The following ALPL variants were observed in gnomAD, a reference collection of about 807,000 sequenced individuals.
The protein encoded by ALPL is alkaline phosphatase, tissue-nonspecific isozyme.
In ALPL, 42 loss-of-function variants were observed where a neutral mutation model predicts 51.3. The observed-to-expected ratio is 0.82, with a 90% CI of 0.64 to 1.06. The LOEUF is 1.06. Among genes scored for constraint, ALPL ranks in the 50% least tolerant of loss-of-function variants. The probability of loss-of-function intolerance (pLI) is 0.00; values close to 1 mark genes in which losing one functional copy is unlikely to be tolerated. For synonymous variants in ALPL, 279 were observed against 296.4 expected (o/e 0.94, Z 0.60); for missense variants, 589 against 709.4 (o/e 0.83, Z 1.93).
At chr1:21,554,350 A>G (rs1375681604) in intron 2 of ALPL, among the ~76,000 whole-genome samples, 1 of 150,094 alleles carries the variant, frequency 6.7e-6, no homozygotes, top group Non-Finnish European at 1.5e-5. Flanking sequence ...ACACACATAC[A>G]CATATATGAA....
chr1:21,546,570 C>T (rs1644255984), intron 1 of ALPL, among the ~76,000 whole-genome samples: 1 of 152,168 alleles, frequency 6.6e-6, no homozygotes, highest in African/African-American at 2.4e-5. Context: ...CAGAAAAGGC[C>T]CCTCCGTGCT....
intron 1 of ALPL, among the ~76,000 whole-genome samples, chr1:21,515,513 C>T (rs1371585085): frequency 6.6e-6 from 1 of 152,174 alleles, no homozygotes; most frequent in Non-Finnish European, 1.5e-5. Flanking sequence ...CTCAGCCTCC[C>T]ATGTAGCTGG....
intron 8 of ALPL, among the ~76,000 whole-genome samples, chr1:21,572,632 G>T (rs934498181): frequency 6.6e-6 from 1 of 152,142 alleles, no homozygotes; most frequent in African/African-American, 2.4e-5. Flanking sequence ...GTGGCACCAA[G>T]TGAACCCTGT....
At chr1:21,540,967 T>C (rs1343564536) in intron 1 of ALPL, among the ~76,000 whole-genome samples, 1 of 152,166 alleles carries the variant, frequency 6.6e-6, no homozygotes, top group African/African-American at 2.4e-5. Context: ...ACTGTAAGAA[T>C]AGGACCTCTG....
At chr1:21,571,207 G>A (rs1644642213) in intron 8 of ALPL, among the ~76,000 whole-genome samples, 1 of 152,214 alleles carries the variant, frequency 6.6e-6, no homozygotes, top group African/African-American at 2.4e-5. Flanking sequence ...TTGGGCAAGT[G>A]ATTTCTCCTC....
chr1:21,554,865 CTT>C (rs1277449072), intron 2 of ALPL, among the ~76,000 whole-genome samples: 4 of 133,972 alleles, frequency 3.0e-5, no homozygotes, highest in Non-Finnish European at 6.3e-5. Flanking sequence ...TTCTTTCTTT[CTT>C]TCTTTCTCTC....
At chr1:21,532,152 A>G (rs534945749) in intron 1 of ALPL, among the ~76,000 whole-genome samples, 1 of 152,100 alleles carries the variant, frequency 6.6e-6, no homozygotes, top group Non-Finnish European at 1.5e-5. Context: ...GAGACAACCC[A>G]GAGTCAGTGG....
chr1:21,563,963 G>A, intron 5 of ALPL, 78 bp from the exon 6 acceptor site: 8 of 1,562,672 alleles, frequency 5.1e-6, no homozygotes, highest in Non-Finnish European at 6.1e-6. Flanking sequence ...CTTTAGCGGG[G>A]AGGGGGAAGG....
intron 1 of ALPL, among the ~76,000 whole-genome samples, chr1:21,538,127 T>A (rs1644134059): frequency 6.6e-6 from 1 of 152,192 alleles, no homozygotes; most frequent in Non-Finnish European, 1.5e-5. Flanking sequence ...TCTCTCCTTG[T>A]TTATTGTCTC....
At chr1:21,520,953 C>T (rs1444427548) in intron 1 of ALPL, among the ~76,000 whole-genome samples, 3 of 152,168 alleles carry the variant, frequency 2.0e-5, no homozygotes, top group Admixed American at 6.5e-5. Context: ...TCTCTCTCAT[C>T]GTTGCCTTTG....
chr1:21,537,117 T>G (rs546818274), intron 1 of ALPL, among the ~76,000 whole-genome samples: 2 of 152,044 alleles, frequency 1.3e-5, no homozygotes, highest in African/African-American at 4.8e-5. Context: ...AGGATGGTCT[T>G]GATCTCCTGA....
chr1:21,536,866 C>A (rs920681559), intron 1 of ALPL, among the ~76,000 whole-genome samples: 1 of 149,836 alleles, frequency 6.7e-6, no homozygotes, highest in South Asian at 2.1e-4. Context: ...CTGCATTGTA[C>A]CTTTTGATTT....
chr1:21,552,896 C>G (rs1644352323), intron 1 of ALPL, among the ~76,000 whole-genome samples: 1 of 152,120 alleles, frequency 6.6e-6, no homozygotes, highest in Non-Finnish European at 1.5e-5. Context: ...TAACATTTCC[C>G]AGTGAAACTC....
intron 1 of ALPL, among the ~76,000 whole-genome samples, chr1:21,552,808 A>C (rs1376157291): frequency 1.3e-5 from 2 of 152,184 alleles, no homozygotes; most frequent in South Asian, 2.1e-4. Context: ...CTGTCACAAC[A>C]CTTTTCTAAC....
At chr1:21,570,877 A>G (rs1644637975) in intron 8 of ALPL, among the ~76,000 whole-genome samples, 1 of 152,210 alleles carries the variant, frequency 6.6e-6, no homozygotes, top group African/African-American at 2.4e-5. Context: ...AGCCCTGAGC[A>G]CCACCATGCA....
chr1:21,525,487 G>A (rs1643929613), intron 1 of ALPL, among the ~76,000 whole-genome samples: 1 of 152,250 alleles, frequency 6.6e-6, no homozygotes, highest in Non-Finnish European at 1.5e-5. Context: ...ATTCCTGATG[G>A]AGCGGCCTCT....
chr1:21,549,482 T>C (rs1335184234), intron 1 of ALPL, among the ~76,000 whole-genome samples: 1 of 151,902 alleles, frequency 6.6e-6, no homozygotes, highest in South Asian at 2.1e-4. Flanking sequence ...TTTCTTTTTT[T>C]TTTTTTTCTG....
intron 6 of ALPL, among the ~76,000 whole-genome samples, chr1:21,566,534 G>T (rs554172055): frequency 1.3e-5 from 2 of 150,942 alleles, no homozygotes; most frequent in Non-Finnish European, 3.0e-5. Flanking sequence ...CAGGTGATCC[G>T]CCCGTTTTGG....
In ALPL at chr1:21,564,031, T is replaced by C. The variant is rs751943081; in HGVS notation, c.473-10T>C. The C allele has an allele frequency of 6.2e-7, 1 of 1,613,452 alleles. No homozygotes were observed. The highest frequency in any genetic ancestry group is 1.1e-5 in the South Asian group (1 of 91,082). On this transcript the variant is annotated splice_polypyrimidine_tract_variant and intron_variant, in intron 5 of 11. Transcript: ENST00000374840. The surrounding 1 kb of genome is among the most constrained non-coding windows in gnomAD (Gnocchi z 5.8). Reference sequence around the variant, plus strand: ...TGGATAAAGCCAAACCCGCCCCTCCTGCACCCCAGGGAAATCTGTGGGCAT... The same window carrying C: ...TGGATAAAGCCAAACCCGCCCCTCCCGCACCCCAGGGAAATCTGTGGGCAT...
Sources: gnomAD v4.1 joint callset for allele counts (sites outside exome capture counted in the v4.1 genomes callset) on GRCh38, gnomAD v4.1.1 for gene constraint, Gnocchi (gnomAD v3.1) non-coding constraint, MANE v1.5 for transcripts, NCBI Gene and HGNC (gene_info 2026-07-23, HGNC 2026-07-21) for gene names.